The following DOCK2 variants were observed in gnomAD, a reference collection of about 807,000 sequenced individuals.
DOCK2 encodes the protein dedicator of cytokinesis protein 2.
In DOCK2, 87 loss-of-function variants were observed where a neutral mutation model predicts 248.9. That is an observed-to-expected ratio of 0.35 (90% confidence interval 0.29 to 0.42). The LOEUF (loss-of-function observed/expected upper bound fraction) is 0.42. DOCK2 is among the 10% of genes least tolerant of loss of function. The pLI, the probability that DOCK2 is intolerant of heterozygous loss-of-function variation, is 1.00. For missense variants in DOCK2, 1,747 were observed against 2,300.2 expected (o/e 0.76, Z 4.92); for synonymous variants, 805 against 821.6 (o/e 0.98, Z 0.35).
At chr5:169,986,298 T>C (rs1778068077) in intron 29 of DOCK2, among the ~76,000 whole-genome samples, 1 of 152,234 alleles carries the variant, frequency 6.6e-6, no homozygotes, top group Admixed American at 6.5e-5. Context: ...TTAAACAGAT[T>C]TGAACAGATT....
Position 169,780,295 on chromosome 5 carries a change from A to ATGTG in DOCK2, c.2554+18712_2554+18715dup, listed in dbSNP as rs3138738. Among the ~76,000 whole-genome samples the ATGTG allele has an allele frequency of 9.1e-3, 1,254 of 137,760 alleles. 9 individuals carry two copies. Among genetic ancestry groups the ATGTG allele is most frequent in the Middle Eastern group, 0.022 (6 of 278 alleles). 90.4% of individuals were successfully genotyped at this position (137,760 alleles called of 152,430 possible). Reference sequence around the variant, plus strand: ...TTTTAAGGCTCCCCCAACCCAATAAATGTGTGTGTGTGTGTGTGTGTGTGT... The same window carrying ATGTG: ...TTTTAAGGCTCCCCCAACCCAATAAATGTGTGTGTGTGTGTGTGTGTGTGTGTGT... On this transcript the variant is annotated intron_variant, in intron 25 of 51. Coordinates refer to ENST00000520908, the MANE Select transcript of DOCK2 (RefSeq NM_004946.3).
intron 26 of DOCK2, among the ~76,000 whole-genome samples, chr5:169,811,340 T>A (rs1389613133): frequency 1.3e-5 from 2 of 152,190 alleles, no homozygotes; most frequent in African/African-American, 2.4e-5. Flanking sequence ...GCATTACTGT[T>A]TAATTCCCAG....
rs372451851 is a variant in DOCK2, at chr5:170,029,203, A to G, written c.3467+1255A>G. On this transcript the variant is annotated intron_variant, in intron 34 of 51. Transcript: ENST00000520908. ...ATATATATTTCTACCAGCAATGTAT[A>G]AGGGTTCCAATTTCTCTACATTCTT... 4.2e-4 allele frequency among the ~76,000 whole-genome samples: 64 copies of G among 152,322 alleles called. No homozygotes were observed. In the South Asian group the frequency reaches 8.7e-3, roughly 21 times the overall value.
chr5:170,002,624 TA>T (rs1376238474), intron 30 of DOCK2, among the ~76,000 whole-genome samples: 2 of 152,198 alleles, frequency 1.3e-5, no homozygotes, highest in Admixed American at 6.5e-5. Context: ...GAGAGTTAAT[TA>T]AAGTAACTAA....
chr5:169,875,887 AGT>A (rs1772302384), intron 27 of DOCK2: 1 of 152,404 alleles, frequency 6.6e-6, no homozygotes, highest in Non-Finnish European at 1.5e-5. Flanking sequence ...ATTTATTCTG[AGT>A]GTACTTATGT....
chr5:170,018,844 G>A (rs1755623901), intron 32 of DOCK2, 116 bp from the exon 33 acceptor site: 15 of 1,312,740 alleles, frequency 1.1e-5, no homozygotes, highest in Non-Finnish European at 1.6e-5. Context: ...CTATATAAGT[G>A]TTAACTATTG....
At chr5:169,689,399 G>A (rs1760167873) in intron 9 of DOCK2, 66 bp downstream of exon 9, 2 of 1,563,758 alleles carry the variant, frequency 1.3e-6, no homozygotes, top group Non-Finnish European at 1.8e-6. Flanking sequence ...TGGAAATGAG[G>A]CTGGTCAGGA....
intron 30 of DOCK2, chr5:169,998,087 C>G (rs1554124918): frequency 2.0e-5 from 9 of 455,740 alleles, no homozygotes; most frequent in South Asian, 9.3e-5. Flanking sequence ...CTCCTGACTC[C>G]TCCCTGAGGA....
intron 5 of DOCK2, 21 bp downstream of exon 5, chr5:169,671,195 C>A: frequency 6.3e-7 from 1 of 1,596,156 alleles, no homozygotes; most frequent in South Asian, 1.1e-5. Flanking sequence ...GAACTCTGCT[C>A]CCTGAGTTGG....
At chr5:169,673,086 A>C (rs1759127436) in intron 5 of DOCK2, among the ~76,000 whole-genome samples, 1 of 152,066 alleles carries the variant, frequency 6.6e-6, no homozygotes, top group African/African-American at 2.4e-5. Flanking sequence ...TTGGTGCTTG[A>C]GCTCAATCCT....
At chr5:170,002,447 G>C (rs1561875240) in intron 30 of DOCK2, among the ~76,000 whole-genome samples, 1 of 152,130 alleles carries the variant, frequency 6.6e-6, no homozygotes, top group African/African-American at 2.4e-5. Flanking sequence ...ACATACATTT[G>C]TTTATGCATA....
intron 27 of DOCK2, among the ~76,000 whole-genome samples, chr5:169,941,633 T>C (rs1776251449): frequency 1.3e-5 from 2 of 152,154 alleles, no homozygotes; most frequent in African/African-American, 4.8e-5. Flanking sequence ...TTGATTAAAC[T>C]AAGAGCTGTG....
intron 30 of DOCK2, 42 bp downstream of exon 30, chr5:169,996,206 G>A (rs771927576): frequency 4.5e-5 from 71 of 1,593,226 alleles, no homozygotes; most frequent in Non-Finnish European, 5.5e-5. Context: ...GCTGCCCAGG[G>A]CGTCTCTGAC....
rs988599743 is a variant in DOCK2 at position 169,747,403 on chromosome 5, G to A, written c.2275G>A (p.Glu759Lys). The A allele has an allele frequency of 1.9e-6, 3 of 1,611,912 alleles. No homozygotes were observed. The highest frequency in any genetic ancestry group is 1.7e-5 in the Admixed American group (1 of 59,634). ...RSRTLFSQLY[E>K]GKEQMEFEES... ...AGATGTATCTTGTTTCAGGCTTTAT[G>A]AAGGCAAAGAACAGATGGAGTTTGA... Residue 759 changes from glutamate to lysine, a missense_variant, in exon 23 of 52, where the codon GAA becomes AAA. Coordinates refer to ENST00000520908, the MANE Select transcript of DOCK2 (RefSeq NM_004946.3).
At chr5:169,810,979 T>TCACA (rs1462836121) in intron 26 of DOCK2, among the ~76,000 whole-genome samples, 2 of 136,298 alleles carry the variant, frequency 1.5e-5, no homozygotes, top group African/African-American at 6.3e-5. Flanking sequence ...AGACTCTCTC[T>TCACA]CTCTCTCTCT....
intron 27 of DOCK2, among the ~76,000 whole-genome samples, chr5:169,944,190 C>G (rs896241103): frequency 1.1e-4 from 16 of 152,230 alleles, no homozygotes; most frequent in African/African-American, 3.9e-4. Context: ...AAAGGCCCTG[C>G]CTTTGAGTGC....
chr5:169,756,925 C>CAAA (rs60397780), intron 23 of DOCK2, among the ~76,000 whole-genome samples: 1 of 127,878 alleles, frequency 7.8e-6, no homozygotes, highest in Non-Finnish European at 1.7e-5. Flanking sequence ...AACTCTGTCT[C>CAAA]AAAAAAAAAA....
chr5:169,838,292 G>C (rs1479885290), intron 26 of DOCK2, among the ~76,000 whole-genome samples: 2 of 152,138 alleles, frequency 1.3e-5, no homozygotes, highest in Non-Finnish European at 2.9e-5. Flanking sequence ...AGGCTGCTGG[G>C]TTGAATCCTT....
At chr5:169,999,014 G>A (rs776929124) in intron 30 of DOCK2, among the ~76,000 whole-genome samples, 15 of 152,264 alleles carry the variant, frequency 9.9e-5, no homozygotes, top group Non-Finnish European at 2.1e-4. Context: ...ATATAACTGC[G>A]AGCTAGTTTG....
Sources: allele counts gnomAD v4.1 joint callset (sites outside exome capture counted in the v4.1 genomes callset), GRCh38; gene constraint gnomAD v4.1.1; transcripts MANE v1.5; gene names NCBI Gene and HGNC (gene_info 2026-07-23, HGNC 2026-07-21).